RNF217: variants seen among roughly 807,000 people sequenced by gnomAD.
The protein encoded by RNF217 is E3 ubiquitin-protein ligase RNF217.
Under a neutral mutation model 57.8 loss-of-function variants are expected in RNF217, and 31 were observed. That is an observed-to-expected ratio of 0.54 (90% confidence interval 0.40 to 0.72). The LOEUF (loss-of-function observed/expected upper bound fraction) is 0.72. Among genes scored for constraint, RNF217 ranks in the 30% least tolerant of loss-of-function variants. RNF217 has a pLI of 0.00. For synonymous variants in RNF217, 313 were observed against 294.0 expected (o/e 1.06, Z -0.66); for missense variants, 696 against 708.3 (o/e 0.98, Z 0.20).
intron 1 of RNF217, among the ~76,000 whole-genome samples, chr6:124,974,798 G>T (rs976870752): frequency 1.3e-5 from 2 of 152,162 alleles, no homozygotes; most frequent in African/African-American, 4.8e-5. Context: ...CAGTTTGTTT[G>T]TGGTATTCTA....
rs944183233 is a variant in RNF217, at chr6:125,090,868, C to T, written c.*7931C>T. 1.1e-4 allele frequency: 17 copies of T among 151,838 alleles called. No homozygotes were observed. Among genetic ancestry groups the T allele is most frequent in the African/African-American group, 3.9e-4 (16 of 41,400 alleles). The allele number at this position is 151,838 out of a possible 1,614,324, so 9.4% of individuals were successfully genotyped here. A position where few individuals can be genotyped will look rare whatever the true frequency, so the allele number is the denominator to read the frequency against. Reference sequence around the variant, plus strand: ...CCTTTTCTCCATTTCATTAGTTATACTATTAACTTTGATAATCACAAAACT... The same window carrying T: ...CCTTTTCTCCATTTCATTAGTTATATTATTAACTTTGATAATCACAAAACT... On this transcript the variant is annotated 3_prime_UTR_variant, in exon 6 of 6. Coordinates refer to ENST00000521654, the MANE Select transcript of RNF217 (RefSeq NM_001286398.3).
chr6:125,060,947 C>G (rs1488168488), intron 3 of RNF217, among the ~76,000 whole-genome samples: 2 of 152,114 alleles, frequency 1.3e-5, no homozygotes, highest in Non-Finnish European at 2.9e-5. Context: ...AATTTAATAT[C>G]ATTACTATTT....
rs1210738799 is a variant in RNF217 at position 125,083,945 on chromosome 6, A to G, written c.*1008A>G. ...AGATCCTTCACATTGGGATTATTTA[A>G]TCCCAAAAACAAGTTTGCTGTAGAC... On this transcript the variant is annotated 3_prime_UTR_variant, in exon 6 of 6. Coordinates refer to ENST00000521654, the MANE Select transcript of RNF217 (RefSeq NM_001286398.3). 1 of 152,052 alleles carries G rather than the reference A, an allele frequency of 6.6e-6. No individual in the cohort carries two copies. Among genetic ancestry groups the G allele is most frequent in the Non-Finnish European group, 1.5e-5 (1 of 67,966 alleles). The allele number at this position is 152,052 out of a possible 1,614,324, so 9.4% of individuals were successfully genotyped here.
chr6:124,988,456 T>C (rs533732483), intron 1 of RNF217, among the ~76,000 whole-genome samples: 90 of 152,338 alleles, frequency 5.9e-4, no homozygotes, highest in Non-Finnish European at 3.5e-4. Flanking sequence ...GTTAAATCCA[T>C]GAAAGCAAAT....
At chr6:125,002,563 T>G (rs1294087903) in intron 1 of RNF217, among the ~76,000 whole-genome samples, 1 of 152,064 alleles carries the variant, frequency 6.6e-6, no homozygotes, top group East Asian at 1.9e-4. Flanking sequence ...CCCCAAAGAA[T>G]TTTTTTAACC....
chr6:125,087,837 T>G lies in RNF217; in HGVS notation c.*4900T>G, dbSNP rs1788814347. ...TATTAAATTAATTTATACTGAAAGT[T>G]TTAACTGCAATTTCATAATTCATGA... On this transcript the variant is annotated 3_prime_UTR_variant, in exon 6 of 6. Coordinates refer to ENST00000521654, the MANE Select transcript of RNF217 (RefSeq NM_001286398.3). 1.3e-5 allele frequency: 2 copies of G among 152,042 alleles called. No individual in the cohort carries two copies. The highest frequency in any genetic ancestry group is 2.9e-5 in the Non-Finnish European group (2 of 67,984). 9.4% of individuals were successfully genotyped at this position (152,042 alleles called of 1,614,324 possible).
intron 1 of RNF217, among the ~76,000 whole-genome samples, chr6:124,988,436 C>T (rs761814689): frequency 7.2e-5 from 11 of 152,194 alleles, no homozygotes; most frequent in Non-Finnish European, 1.5e-4. Context: ...ACAGAATTCA[C>T]AGAATGATTG....
At chr6:125,009,047 A>G (rs1022120788) in intron 1 of RNF217, 2 of 416,598 alleles carry the variant, frequency 4.8e-6, no homozygotes, top group African/African-American at 2.0e-5. Context: ...ATAATTTTAT[A>G]TCACTGGTTC....
At chr6:125,020,126 A>G (rs977009278) in intron 1 of RNF217, among the ~76,000 whole-genome samples, 4 of 152,332 alleles carry the variant, frequency 2.6e-5, no homozygotes, top group African/African-American at 9.6e-5. Context: ...GCTGTTCACG[A>G]GAATGATAAA....
chr6:124,980,132 T>A (rs778671197), intron 1 of RNF217, among the ~76,000 whole-genome samples: 1 of 152,178 alleles, frequency 6.6e-6, no homozygotes, highest in Non-Finnish European at 1.5e-5. Context: ...ATTTTTTGTT[T>A]GTTTGTTTTT....
intron 1 of RNF217, among the ~76,000 whole-genome samples, chr6:125,016,738 A>G (rs1400879096): frequency 6.6e-6 from 1 of 151,728 alleles, no homozygotes; most frequent in Non-Finnish European, 1.5e-5. Context: ...GAACAATGAC[A>G]ACACGTGGAC....
chr6:125,067,485 C>T (rs1787977330), intron 3 of RNF217, among the ~76,000 whole-genome samples: 1 of 152,012 alleles, frequency 6.6e-6, no homozygotes, highest in Non-Finnish European at 1.5e-5. Flanking sequence ...TATTATGGGG[C>T]TAAAACTATC....
At chr6:125,041,603 T>C (rs1237690337) in intron 1 of RNF217, among the ~76,000 whole-genome samples, 1 of 152,040 alleles carries the variant, frequency 6.6e-6, no homozygotes, top group Non-Finnish European at 1.5e-5. Context: ...GGAGCCAATG[T>C]TCTTGTTTCC....
chr6:125,042,660 A>G (rs146655296), intron 1 of RNF217, among the ~76,000 whole-genome samples: 3 of 152,218 alleles, frequency 2.0e-5, no homozygotes, highest in African/African-American at 7.2e-5. Flanking sequence ...GTTGGATGGT[A>G]TCCCGATGTG....
At chr6:125,057,815 G>A (rs1582761268) in intron 2 of RNF217, 127 bp from the exon 3 acceptor site, 1 of 695,776 alleles carries the variant, frequency 1.4e-6, no homozygotes, top group East Asian at 2.8e-5. Flanking sequence ...TGTAGTTTGA[G>A]TCTTATAGAG....
intron 3 of RNF217, among the ~76,000 whole-genome samples, chr6:125,066,052 ATTTCCCATGTCTGGTGAGTC>A (rs1787926749): frequency 6.6e-6 from 1 of 152,012 alleles, no homozygotes; most frequent in Non-Finnish European, 1.5e-5. Context: ...TGCTTCTTTC[ATTTCCCATGTCTGGTGAGTC>A]ATTAAGTTTT....
chr6:125,052,284 T>TTGTGTGTGTGTGTGTGTGTG (rs368469313), intron 2 of RNF217, among the ~76,000 whole-genome samples: 9 of 143,136 alleles, frequency 6.3e-5, no homozygotes, highest in African/African-American at 1.5e-4. Flanking sequence ...GTCATGCGTT[T>TTGTGTGTGTGTGTGTGTGTG]TGTGTGTGTG....
intron 1 of RNF217, among the ~76,000 whole-genome samples, chr6:124,977,285 A>C (rs1784003837): frequency 6.6e-6 from 1 of 152,242 alleles, no homozygotes. Context: ...AGTAAGTATA[A>C]TGATTTAGAA....
chr6:124,988,133 G>A (rs928633724), intron 1 of RNF217, among the ~76,000 whole-genome samples: 2 of 152,054 alleles, frequency 1.3e-5, no homozygotes, highest in African/African-American at 2.4e-5. Flanking sequence ...CTGCACATGC[G>A]AGGGATCTGG....
Sources: gnomAD v4.1 joint callset for allele counts (sites outside exome capture counted in the v4.1 genomes callset) on GRCh38, gnomAD v4.1.1 for gene constraint, MANE v1.5 for transcripts, NCBI Gene and HGNC (gene_info 2026-07-23, HGNC 2026-07-21) for gene names.